Variants in MED1 observed in about 807,000 individuals in gnomAD.
MED1 encodes mediator complex subunit 1, also known as mediator of RNA polymerase II transcription subunit 1.
A neutral mutation model predicts 121.3 loss-of-function variants in MED1; 17 were observed. That is an observed-to-expected ratio of 0.14 (90% CI 0.10 to 0.21). The LOEUF (loss-of-function observed/expected upper bound fraction) is 0.21, where lower values mean the gene tolerates loss of function less well. MED1 is among the 10% of genes least tolerant of loss of function. The pLI, the probability that MED1 is intolerant of heterozygous loss-of-function variation, is 1.00. For synonymous variants in MED1, 661 were observed against 694.4 expected, an observed-to-expected ratio of 0.95 and a Z score of 0.76; for missense variants, 1,558 against 1,919.4, an observed-to-expected ratio of 0.81 and a Z score of 3.52.
chr17:39,414,724 C>T (rs1420880063), intron 16 of MED1, among the ~76,000 whole-genome samples: 2 of 135,014 alleles, frequency 1.5e-5, no homozygotes, highest in African/African-American at 5.6e-5. Context: ...GGCTGGAGTG[C>T]AATGGCGCAA....
intron 10 of MED1, among the ~76,000 whole-genome samples, chr17:39,426,303 C>T (rs1229340207): frequency 1.3e-5 from 2 of 151,908 alleles, no homozygotes; most frequent in African/African-American, 2.4e-5. Context: ...AAGAATTAGC[C>T]GGGTGTGGTG....
At chr17:39,410,885 C>T (rs1316387544) in intron 16 of MED1, among the ~76,000 whole-genome samples, 164 bp from the exon 17 acceptor site, 1 of 152,172 alleles carries the variant, frequency 6.6e-6, no homozygotes, top group African/African-American at 2.4e-5. Flanking sequence ...TGGGTAAATA[C>T]ATTCTAAAAA....
chr17:39,425,400 G>A (rs898105698), intron 10 of MED1, among the ~76,000 whole-genome samples: 3 of 152,100 alleles, frequency 2.0e-5, no homozygotes, highest in African/African-American at 7.2e-5. Context: ...CATCAGGTTG[G>A]CCAGGCTGGT....
chr17:39,450,241 C>T (rs1359068750), intron 1 of MED1, among the ~76,000 whole-genome samples: 1 of 152,132 alleles, frequency 6.6e-6, no homozygotes. Context: ...TGAGTCACTG[C>T]TCCCGGCCTC....
Position 39,419,731 on chromosome 17 carries a change from G to C in MED1, c.1283C>G (p.Thr428Ser). Residue 428 changes from threonine to serine, a missense_variant, in exon 14 of 17, where the codon ACT (threonine) becomes AGT (serine). Physicochemically the swap from Thr to Ser is moderately conservative, Grantham distance 58. Transcript: ENST00000300651. The part of the protein sequence containing the change: ...NTLIGSCVKR[T>S]ILKEDSPGLL... ...AAAGGCAGTACCTTCTTTCAGAATA[G>C]TTCTTTTGACACAGCTTCCAATGAG... 6.2e-7 allele frequency: 1 copy of C among 1,612,266 alleles called. No homozygotes were observed. Among genetic ancestry groups the C allele is most frequent in the Non-Finnish European group, 8.5e-7 (1 of 1,178,366 alleles).
rs772215239 is a variant in MED1, at chr17:39,419,857, C to T, written c.1157G>A (p.Arg386Gln). Reference protein sequence around the residue: ...LNKDAPLPDGRSLQGTLVSKI... With the variant: ...LNKDAPLPDGQSLQGTLVSKI... ...GCTAACAAGGGTTCCCTGTAGACTT[C>T]GGCCATCTGGAAGAGGAGCATCCTT... Residue 386 changes from arginine to glutamine, a missense_variant, in exon 14 of 17, where the codon CGA becomes CAA. Around this residue, in one of 5 missense-constraint regions of MED1, gnomAD observed 443 missense variants for 532.4 expected, o/e 0.83. Coordinates refer to ENST00000300651, the MANE Select transcript of MED1 (RefSeq NM_004774.4). 15 of 1,613,978 alleles carry T rather than the reference C, an allele frequency of 9.3e-6. No homozygotes were observed. The highest frequency in any genetic ancestry group is 8.0e-5 in the African/African-American group (6 of 74,902).
At chr17:39,438,811 T>C (rs975558572) in intron 6 of MED1, among the ~76,000 whole-genome samples, 1 of 152,078 alleles carries the variant, frequency 6.6e-6, no homozygotes, top group African/African-American at 2.4e-5. Context: ...TAGCTGGGCA[T>C]GGTGGCACAC....
In MED1 at chr17:39,432,022, G is replaced by T. The variant is rs375181346; in HGVS notation, c.501-6C>A. On this transcript the variant is annotated splice_polypyrimidine_tract_variant and splice_region_variant and intron_variant, in intron 7 of 16. Transcript: ENST00000300651. ...ACATTTTAGTCTTCAGTTTGCTGGA[G>T]AGTAGATGAGAAGAACATGAGTTAA... is the stretch of plus-strand genomic sequence containing the variant. The T allele has an allele frequency of 2.5e-5, 39 of 1,590,062 alleles. No homozygotes were observed. The highest frequency in any genetic ancestry group is 3.1e-5 in the Non-Finnish European group (36 of 1,158,602).
rs777086889 is a variant in MED1, at chr17:39,409,431, A to G, written c.2790T>C (p.Asp930=). 2 of 1,614,008 alleles carry G rather than the reference A, an allele frequency of 1.2e-6. No homozygotes were observed. The highest frequency in any genetic ancestry group is 2.7e-5 in the African/African-American group (2 of 74,896). ...FKGNNQADTV[D]FSIISVAGKA... ...TGCCGGCTACTGAAATAATACTGAA[A>G]TCAACTGTGTCGGCTTGGTTATTGC... is the stretch of plus-strand genomic sequence containing the variant. Residue 930 remains aspartate, a synonymous_variant, in exon 17 of 17, where the codon GAT becomes GAC. Transcript: ENST00000300651.
chr17:39,423,448 G>A lies in MED1; in HGVS notation c.977-3C>T, dbSNP rs772687233. 1.9e-6 allele frequency: 3 copies of A among 1,593,690 alleles called. No individual in the cohort carries two copies. Among genetic ancestry groups the A allele is most frequent in the Non-Finnish European group, 2.6e-6 (3 of 1,162,008 alleles). On this transcript the variant is annotated splice_polypyrimidine_tract_variant and splice_region_variant and intron_variant, in intron 12 of 16. Transcript: ENST00000300651. The stretch of plus-strand genomic sequence containing the variant: ...TTGAGTTTCAAACAATGGAATTCCT[G>A]GAAAAACAAGAATCAATATAATGAT...
chr17:39,410,535 T>G lies in MED1; in HGVS notation c.1686A>C (p.Thr562=), dbSNP rs1029383203. The G allele has an allele frequency of 1.2e-6, 2 of 1,613,990 alleles. No individual in the cohort carries two copies. The highest frequency in any genetic ancestry group is 1.7e-6 in the Non-Finnish European group (2 of 1,180,036). ...TGNNPMSGTT[T]PTNTFPGGPI... ...GACCCCCCGGAAAGGTGTTGGTTGG[T>G]GTAGTGGTACCACTCATTGGGTTGT... The change falls in exon 17 of 17, where the codon ACA becomes ACC. Residue 562 remains threonine, a synonymous_variant. Coordinates refer to ENST00000300651, the MANE Select transcript of MED1 (RefSeq NM_004774.4).
chr17:39,415,230 C>A lies in MED1; in HGVS notation c.1393+14G>T. ...ACCGCTCCATGAGAGGTGTTAGCCA[C>A]CCACACAACTCACCACACACCAGGG... On this transcript the variant is annotated intron_variant, in intron 15 of 16. Transcript: ENST00000300651. 1 of 1,611,502 alleles carries A rather than the reference C, an allele frequency of 6.2e-7. No homozygotes were observed. The highest frequency in any genetic ancestry group is 1.1e-5 in the South Asian group (1 of 91,024).
chr17:39,436,634 C>G (rs1434061919), intron 6 of MED1, among the ~76,000 whole-genome samples: 1 of 152,150 alleles, frequency 6.6e-6, no homozygotes, highest in African/African-American at 2.4e-5. Flanking sequence ...TTTACTGTAA[C>G]ACACATGTAC....
chr17:39,434,739 T>C (rs2048602210), intron 6 of MED1, among the ~76,000 whole-genome samples: 1 of 152,176 alleles, frequency 6.6e-6, no homozygotes, highest in African/African-American at 2.4e-5. Context: ...ACTTCAGCAA[T>C]GCTCTCACTT....
chr17:39,412,533 CTTTTTTTT>C (rs1170139893), intron 16 of MED1, among the ~76,000 whole-genome samples: 11 of 102,290 alleles, frequency 1.1e-4, no homozygotes, highest in Admixed American at 5.0e-4. Flanking sequence ...GCAAATTTTT[CTTTTTTTT>C]TTTTTTTTTT....
At chr17:39,435,590 T>C (rs1229276668) in intron 6 of MED1, among the ~76,000 whole-genome samples, 1 of 152,170 alleles carries the variant, frequency 6.6e-6, no homozygotes, top group Non-Finnish European at 1.5e-5. Flanking sequence ...AACAGTGCTA[T>C]TAAGACAGCA....
At chr17:39,410,786 G>C (rs1322198067) in intron 16 of MED1, 65 bp from the exon 17 acceptor site, 27 of 1,524,708 alleles carry the variant, frequency 1.8e-5, no homozygotes, top group Non-Finnish European at 2.4e-5. Flanking sequence ...CTGAGATTTA[G>C]ATATAACATC....
chr17:39,412,749 G>T (rs1313835407), intron 16 of MED1, among the ~76,000 whole-genome samples: 1 of 151,716 alleles, frequency 6.6e-6, no homozygotes, highest in East Asian at 1.9e-4. Context: ...TCTTGGCCAG[G>T]CTGGTCTTGA....
intron 2 of MED1, among the ~76,000 whole-genome samples, chr17:39,447,273 C>T (rs2144776996): frequency 6.6e-6 from 1 of 152,060 alleles, no homozygotes; most frequent in Admixed American, 6.6e-5. Flanking sequence ...TGCCTGTAAT[C>T]CCAGCTATTC....
Sources: allele counts gnomAD v4.1 joint callset (sites outside exome capture counted in the v4.1 genomes callset), GRCh38; gene constraint gnomAD v4.1.1; regional missense constraint gnomAD v4.1.1; transcripts MANE v1.5; gene names NCBI Gene and HGNC (gene_info 2026-07-23, HGNC 2026-07-21).